Variants in GALE observed in about 807,000 individuals in gnomAD.
The protein encoded by GALE is UDP-glucose 4-epimerase.
In GALE, 32 loss-of-function variants were observed where a neutral mutation model predicts 44.1. The observed-to-expected ratio is 0.73, with a 90% CI of 0.55 to 0.97. GALE has a LOEUF of 0.97. Ranked by LOEUF, GALE falls within the 50% of genes least tolerant of loss-of-function variation. The probability of loss-of-function intolerance (pLI) is 0.00; values close to 1 mark genes in which losing one functional copy is unlikely to be tolerated. For missense variants in GALE, 423 were observed against 455.6 expected (o/e 0.93, Z 0.65); for synonymous variants, 182 against 183.5 (o/e 0.99, Z 0.06).
chr1:23,797,887 T>C lies in GALE; in HGVS notation c.352-16A>G, dbSNP rs1445076841. Reference sequence around the variant, plus strand: ...CCTTCATGATCTGGCCGTGGAGAGATGGCATCAGTGACCTCTGCCTCACAC... The same window carrying C: ...CCTTCATGATCTGGCCGTGGAGAGACGGCATCAGTGACCTCTGCCTCACAC... On this transcript the variant is annotated splice_polypyrimidine_tract_variant and intron_variant, in intron 5 of 11. Transcript: ENST00000617979. 1.9e-6 allele frequency: 3 copies of C among 1,613,758 alleles called. No homozygotes were observed. Among genetic ancestry groups the C allele is most frequent in the African/African-American group, 1.3e-5 (1 of 74,930 alleles).
At chr1:23,800,639 G>T (rs932288109) in intron 1 of GALE, 73 bp downstream of exon 1, 7 of 152,104 alleles carry the variant, frequency 4.6e-5, no homozygotes, top group Non-Finnish European at 8.8e-5. Context: ...CCGCCCCTCG[G>T]AAACTCCCTC....
intron 1 of GALE, chr1:23,800,131 G>A (rs1004320017): frequency 1.3e-5 from 2 of 152,282 alleles, no homozygotes; most frequent in Non-Finnish European, 2.9e-5. Context: ...TAGGGCCAGA[G>A]AGGTGAAACA....
At position 23,796,383 on chromosome 1, in the gene GALE, C is replaced by T; in HGVS notation, c.874-118G>A. The T allele has an allele frequency of 1.4e-6, 2 of 1,423,694 alleles. No individual in the cohort carries two copies. Among genetic ancestry groups the T allele is most frequent in the Non-Finnish European group, 2.0e-6 (2 of 1,012,400 alleles). 88.2% of individuals were successfully genotyped at this position (1,423,694 alleles called of 1,614,324 possible). On this transcript the variant is annotated intron_variant, in intron 10 of 11. Transcript: ENST00000617979. The surrounding 1 kb of genome is among the most constrained non-coding windows in gnomAD (Gnocchi z 5.2). ...TGGCCCGCAGGCACCGGGTGCTAGG[C>T]AGGCTGAGGAGACTGGGCAGTGCCA...
At position 23,796,682 on chromosome 1, in the gene GALE, C is replaced by G; in HGVS notation, c.795+15G>C. On this transcript the variant is annotated intron_variant, in intron 9 of 11. Coordinates refer to ENST00000617979, the MANE Select transcript of GALE (RefSeq NM_001008216.2). The surrounding 1 kb of genome is among the most constrained non-coding windows in gnomAD (Gnocchi z 5.2). ...CTGGTCCCTCCCCTCCCTCACTTCT[C>G]CCTTCTCTTCCTACCCGGCAGCCAC... 6.2e-7 allele frequency: 1 copy of G among 1,613,628 alleles called. No homozygotes were observed. Among genetic ancestry groups the G allele is most frequent in the South Asian group, 1.1e-5 (1 of 90,964 alleles).
chr1:23,798,185 C>T lies in GALE; in HGVS notation c.283G>A (p.Gly95Ser), dbSNP rs1476856567. Reference sequence around the variant, plus strand: ...TCCAGAGGCTTCTGCACCGACTCGCCCACGGCCTTGAGCCCCGCAAAGTGG... The same window carrying T: ...TCCAGAGGCTTCTGCACCGACTCGCTCACGGCCTTGAGCCCCGCAAAGTGG... ...VIHFAGLKAV[G>S]ESVQKPLDYY... The change falls in exon 5 of 12, where the codon GGC (glycine) becomes AGC (serine). Residue 95 changes from glycine (G) to serine (S), a missense_variant. By Grantham distance (56) the Gly-to-Ser change is moderately conservative. Coordinates refer to ENST00000617979, the MANE Select transcript of GALE (RefSeq NM_001008216.2). This position sits in a 1 kb window ranked among gnomAD's most constrained non-coding sequence, Gnocchi z 4.5. The T allele has an allele frequency of 1.4e-5, 22 of 1,614,022 alleles. No homozygotes were observed. The Admixed American group carries it at 3.7e-4, about 27-fold the overall frequency.
chr1:23,799,487 G>A (rs2473382), intron 1 of GALE, 51 bp from the exon 2 acceptor site: 3,206 of 271,334 alleles, frequency 0.012, 99 homozygotes, highest in African/African-American at 0.066. Context: ...GTCGCAGGAA[G>A]GGGTTCTGTC....
intron 2 of GALE, 138 bp downstream of exon 2, chr1:23,799,228 A>G (rs780349780): frequency 3.5e-4 from 215 of 611,980 alleles, no homozygotes; most frequent in Non-Finnish European, 5.6e-4. Flanking sequence ...CTCAGTTTCT[A>G]TCTCTGTAAA....
intron 5 of GALE, 82 bp from the exon 6 acceptor site, chr1:23,797,953 T>A: frequency 6.9e-7 from 1 of 1,456,726 alleles, no homozygotes; most frequent in Non-Finnish European, 9.6e-7. Flanking sequence ...AGAATGGGGC[T>A]GAGGTGATGA....
intron 6 of GALE, 135 bp from the exon 7 acceptor site, chr1:23,797,282 T>G: frequency 1.4e-6 from 1 of 695,658 alleles, no homozygotes; most frequent in South Asian, 1.7e-5. Context: ...TGTAGTGGCC[T>G]GATTTGGCTC....
chr1:23,796,304 C>A lies in GALE; in HGVS notation c.874-39G>T. The A allele has an allele frequency of 6.3e-7, 1 of 1,580,024 alleles. No homozygotes were observed. Among genetic ancestry groups the A allele is most frequent in the Non-Finnish European group, 8.7e-7 (1 of 1,148,894 alleles). On this transcript the variant is annotated intron_variant, in intron 10 of 11. Transcript: ENST00000617979. The surrounding 1 kb of genome is among the most constrained non-coding windows in gnomAD (Gnocchi z 5.2). ...GGTAGTTGGAGCTTAGCTGAGCCGG[C>A]CCTGGCCCAGCTGCTGGCCAGGTCT...
Position 23,799,387 on chromosome 1 carries a change from A to AC in GALE, c.-28_-27insG. On this transcript the variant is annotated 5_prime_UTR_variant, in exon 2 of 12. Transcript: ENST00000617979. ...TTGCCTTGGAGTTGGAAAAGATGGA[A>AC]TCTGAGGATCCACACTTCTTTGTCC... 2.9e-6 allele frequency: 1 copy of AC among 342,986 alleles called. No individual in the cohort carries two copies. 21.2% of individuals were successfully genotyped at this position (342,986 alleles called of 1,614,324 possible). A position where few individuals can be genotyped will look rare whatever the true frequency, so the allele number is the denominator to read the frequency against.
intron 1 of GALE, chr1:23,799,875 ACT>A (rs1250095002): frequency 6.6e-6 from 1 of 151,776 alleles, no homozygotes; most frequent in East Asian, 1.9e-4. Context: ...CCCTGAACAA[ACT>A]CTGCGGGTAG....
Position 23,796,570 on chromosome 1 carries a change from G to C in GALE, c.812C>G (p.Thr271Arg), listed in dbSNP as rs756331486. Residue 271 changes from threonine (T) to arginine (R), a missense_variant, in exon 10 of 12, where the codon ACG becomes AGG. By Grantham distance (71) the Thr-to-Arg change is moderately conservative. Transcript: ENST00000617979. The surrounding 1 kb of genome is among the most constrained non-coding windows in gnomAD (Gnocchi z 5.2). Reference protein sequence around the residue: ...QCGCRIYNLGTGTGYSVLQMV... With the variant: ...QCGCRIYNLGRGTGYSVLQMV... ...CTGCAGCACTGAATAGCCTGTGCCC[G>C]TGCCCAGGTTGTAGATCTGGCCCAC... is the stretch of plus-strand genomic sequence containing the variant. The C allele has an allele frequency of 6.2e-7, 1 of 1,614,048 alleles. No homozygotes were observed. Among genetic ancestry groups the C allele is most frequent in the Admixed American group, 1.7e-5 (1 of 60,024 alleles).
chr1:23,799,155 G>T, intron 2 of GALE, 143 bp from the exon 3 acceptor site: 2 of 1,080,972 alleles, frequency 1.9e-6, no homozygotes, highest in Non-Finnish European at 2.8e-6. Flanking sequence ...AGTCAGCCCT[G>T]GGGCAAGTCT....
Position 23,798,033 on chromosome 1 carries a change from G to A in GALE, c.351+84C>T. 7.5e-7 allele frequency: 1 copy of A among 1,341,814 alleles called. No individual in the cohort carries two copies. The highest frequency in any genetic ancestry group is 1.7e-5 in the Admixed American group (1 of 59,612). The allele number at this position is 1,341,814 out of a possible 1,614,324, so 83.1% of individuals were successfully genotyped here. ...ACATGAGTCCAGGATGATACAGCTT[G>A]GGCTCTGTGTTTGGCACTGCCTGCC... On this transcript the variant is annotated intron_variant, in intron 5 of 11. Transcript: ENST00000617979. This position sits in a 1 kb window ranked among gnomAD's most constrained non-coding sequence, Gnocchi z 4.5.
At position 23,797,116 on chromosome 1, in the gene GALE, T is replaced by C. The variant is rs1351172664; in HGVS notation, c.560A>G (p.Asn187Ser). The C allele has an allele frequency of 1.9e-6, 3 of 1,612,174 alleles. No individual in the cohort carries two copies. The highest frequency in any genetic ancestry group is 1.3e-5 in the African/African-American group (1 of 74,796). The part of the protein sequence containing the change: ...TWNAVLLRYF[N>S]PTGAHASGCI... Reference sequence around the variant, plus strand: ...GCCAGAGGCATGGGCACCTGTGGGGTTGAAATAGCGCAGCAGCACTGCGTT... The same window carrying C: ...GCCAGAGGCATGGGCACCTGTGGGGCTGAAATAGCGCAGCAGCACTGCGTT... The change falls in exon 7 of 12, where the codon AAC becomes AGC. Residue 187 changes from asparagine to serine, a missense_variant. By Grantham distance (46) the Asn-to-Ser change is conservative. Transcript: ENST00000617979.
rs3177811 is a variant in GALE at position 23,796,905 on chromosome 1, C to T, written c.680G>A (p.Gly227Asp). The stretch of plus-strand genomic sequence containing the variant: ...GCCATCCTCTGTGTCATAGTCATTG[C>T]CAAAGACATTCAGGGCCTCCCGTCG... ...IGRREALNVF[G>D]NDYDTEDGTG... is the part of the protein sequence containing the mutation. Residue 227 changes from glycine to aspartate, a missense_variant, in exon 8 of 12, where the codon GGC (glycine) becomes GAC (aspartate). Gly to Asp is a moderately conservative substitution (Grantham distance 94). Coordinates refer to ENST00000617979, the MANE Select transcript of GALE (RefSeq NM_001008216.2). The surrounding 1 kb of genome is among the most constrained non-coding windows in gnomAD (Gnocchi z 5.2). 6.2e-7 allele frequency: 1 copy of T among 1,613,848 alleles called. No homozygotes were observed. The highest frequency in any genetic ancestry group is 2.2e-5 in the East Asian group (1 of 44,874).
chr1:23,797,117 T>C lies in GALE; in HGVS notation c.559A>G (p.Asn187Asp), dbSNP rs559853259. 3 of 1,612,536 alleles carry C rather than the reference T, an allele frequency of 1.9e-6. No homozygotes were observed. The highest frequency in any genetic ancestry group is 4.5e-5 in the East Asian group (2 of 44,850). The change falls in exon 7 of 12, where the codon AAC becomes GAC. Residue 187 changes from asparagine to aspartate, a missense_variant. Physicochemically the swap from Asn to Asp is conservative, Grantham distance 23. Transcript: ENST00000617979. ...TWNAVLLRYF[N>D]PTGAHASGCI... ...CCAGAGGCATGGGCACCTGTGGGGTTGAAATAGCGCAGCAGCACTGCGTTC... is the reference window on the plus strand; with the variant it reads ...CCAGAGGCATGGGCACCTGTGGGGTCGAAATAGCGCAGCAGCACTGCGTTC...
At chr1:23,799,150 G>A in intron 2 of GALE, 138 bp from the exon 3 acceptor site, 1 of 1,139,316 alleles carries the variant, frequency 8.8e-7, no homozygotes, top group Non-Finnish European at 1.3e-6. Flanking sequence ...TCAGAAGTCA[G>A]CCCTGGGGCA....
Sources: allele counts gnomAD v4.1 joint callset, GRCh38; gene constraint gnomAD v4.1.1; non-coding constraint Gnocchi (gnomAD v3.1); transcripts MANE v1.5; gene names NCBI Gene and HGNC (gene_info 2026-07-23, HGNC 2026-07-21).